Variants in APLP2 observed in about 807,000 individuals in gnomAD.
The protein encoded by APLP2 is CDEI box-binding protein.
A neutral mutation model predicts 89.9 loss-of-function variants in APLP2; 53 were observed. The observed-to-expected ratio is 0.59, with a 90% CI of 0.47 to 0.74. The LOEUF (loss-of-function observed/expected upper bound fraction) is 0.74, where lower values mean the gene tolerates loss of function less well. Ranked by LOEUF, APLP2 falls within the 30% of genes least tolerant of loss-of-function variation. The probability of loss-of-function intolerance (pLI) is 0.00; values close to 1 mark genes in which losing one functional copy is unlikely to be tolerated. For missense variants in APLP2, 973 were observed against 975.9 expected, an observed-to-expected ratio of 1.00 and a Z score of 0.04; for synonymous variants, 372 against 348.6, an observed-to-expected ratio of 1.07 and a Z score of -0.75.
chr11:130,073,870 T>C (rs1323900907), intron 1 of APLP2, among the ~76,000 whole-genome samples: 1 of 152,170 alleles, frequency 6.6e-6, no homozygotes, highest in African/African-American at 2.4e-5. Context: ...ACTTTAATCT[T>C]ATAAAAAATG....
Position 130,110,674 on chromosome 11 carries a change from G to T in APLP2, c.403+13G>T. The T allele has an allele frequency of 6.3e-7, 1 of 1,598,570 alleles. No homozygotes were observed. The highest frequency in any genetic ancestry group is 8.5e-7 in the Non-Finnish European group (1 of 1,175,226). On this transcript the variant is annotated intron_variant, in intron 3 of 16. Coordinates refer to ENST00000338167, the MANE Select transcript of APLP2 (RefSeq NM_001142276.2). ...TTCAAGTGTCTCGGTGAGTGTTCTTGGTTACTTTTCAGGAAGTGCCAGCCC... is the reference window on the plus strand; with the variant it reads ...TTCAAGTGTCTCGGTGAGTGTTCTTTGTTACTTTTCAGGAAGTGCCAGCCC...
At chr11:130,105,280 A>ATG (rs1947511664) in intron 1 of APLP2, among the ~76,000 whole-genome samples, 1 of 152,156 alleles carries the variant, frequency 6.6e-6, no homozygotes, top group Non-Finnish European at 1.5e-5. Context: ...ACTGGGTGTG[A>ATG]TGGCGCATGC....
chr11:130,116,363 T>G (rs1949159989), intron 3 of APLP2, among the ~76,000 whole-genome samples: 1 of 152,236 alleles, frequency 6.6e-6, no homozygotes, highest in Admixed American at 6.5e-5. Flanking sequence ...TGTATATATG[T>G]ATCATCATTT....
intron 11 of APLP2, among the ~76,000 whole-genome samples, chr11:130,130,726 G>C (rs937532133): frequency 1.3e-5 from 2 of 152,220 alleles, no homozygotes; most frequent in African/African-American, 4.8e-5. Flanking sequence ...CTCAGCCTTA[G>C]TTTTCCTAGA....
At chr11:130,090,191 T>G (rs1944699041) in intron 1 of APLP2, among the ~76,000 whole-genome samples, 1 of 152,120 alleles carries the variant, frequency 6.6e-6, no homozygotes. Flanking sequence ...TCATAGTAGC[T>G]GTTGAATTGT....
intron 1 of APLP2, among the ~76,000 whole-genome samples, chr11:130,090,676 C>A (rs1202836643): frequency 6.6e-6 from 1 of 152,178 alleles, no homozygotes; most frequent in African/African-American, 2.4e-5. Flanking sequence ...TCTACACAGA[C>A]ACGGCAACCA....
intron 1 of APLP2, among the ~76,000 whole-genome samples, chr11:130,102,837 C>A (rs1319933816): frequency 6.6e-6 from 1 of 152,128 alleles, no homozygotes. Context: ...AAACTGTTCC[C>A]CAAGCCAAAT....
intron 1 of APLP2, among the ~76,000 whole-genome samples, chr11:130,077,905 C>G (rs553288990): frequency 7.7e-4 from 117 of 152,248 alleles, no homozygotes; most frequent in African/African-American, 2.6e-3. Flanking sequence ...CTTCTACCCA[C>G]TATTGAAAGC....
rs960029278 is a variant in APLP2, at chr11:130,143,516, G to A, written c.*68G>A. The A allele has an allele frequency of 7.8e-5, 107 of 1,377,132 alleles. No homozygotes were observed. Among genetic ancestry groups the A allele is most frequent in the Middle Eastern group, 3.7e-4 (2 of 5,336 alleles). The allele number at this position is 1,377,132 out of a possible 1,614,324, so 85.3% of individuals were successfully genotyped here. On this transcript the variant is annotated 3_prime_UTR_variant, in exon 17 of 17. Transcript: ENST00000338167. ...GCCGGAAGATCCCACGATTCCGATC[G>A]ACTGCCAAGCAGCAGCCGCTGCCAG...
chr11:130,095,516 G>A (rs1047141531), intron 1 of APLP2, among the ~76,000 whole-genome samples: 4 of 152,248 alleles, frequency 2.6e-5, no homozygotes, highest in Non-Finnish European at 4.4e-5. Flanking sequence ...AACATGTTGT[G>A]TAGAAATGTG....
At chr11:130,091,841 C>G (rs1170652053) in intron 1 of APLP2, among the ~76,000 whole-genome samples, 2 of 148,240 alleles carry the variant, frequency 1.3e-5, no homozygotes, top group South Asian at 4.2e-4. Flanking sequence ...ACCTCCCTCC[C>G]GGACGGGGTG....
intron 1 of APLP2, among the ~76,000 whole-genome samples, chr11:130,095,079 A>G (rs1214694832): frequency 1.3e-5 from 2 of 148,396 alleles, no homozygotes; most frequent in African/African-American, 5.1e-5. Flanking sequence ...CTAGAAAGGA[A>G]TTGTAATCAC....
intron 1 of APLP2, among the ~76,000 whole-genome samples, chr11:130,091,442 CG>C (rs1945151972): frequency 7.8e-6 from 1 of 128,286 alleles, no homozygotes; most frequent in Non-Finnish European, 1.6e-5. Flanking sequence ...TAGGGGCGGC[CG>C]GGCAGAGGCG....
At chr11:130,125,891 T>G (rs1167081280) in intron 7 of APLP2, among the ~76,000 whole-genome samples, 1 of 152,178 alleles carries the variant, frequency 6.6e-6, no homozygotes, top group African/African-American at 2.4e-5. Flanking sequence ...CAGGCTAAAT[T>G]CCATCGTGCA....
intron 3 of APLP2, 24 bp downstream of exon 3, chr11:130,110,685 A>G (rs756937279): frequency 1.3e-6 from 2 of 1,594,736 alleles, no homozygotes; most frequent in African/African-American, 1.4e-5. Flanking sequence ...GTTACTTTTC[A>G]GGAAGTGCCA....
At chr11:130,090,901 C>A (rs1443567151) in intron 1 of APLP2, among the ~76,000 whole-genome samples, 1 of 150,340 alleles carries the variant, frequency 6.7e-6, no homozygotes, top group Non-Finnish European at 1.5e-5. Context: ...GGGCTGACCC[C>A]CCCCATCTCC....
intron 1 of APLP2, among the ~76,000 whole-genome samples, chr11:130,087,771 C>G (rs1046517616): frequency 1.3e-5 from 2 of 152,096 alleles, no homozygotes; most frequent in Non-Finnish European, 1.5e-5. Flanking sequence ...GTTTTTCCGT[C>G]TAGCCACTTC....
Position 130,143,740 on chromosome 11 carries a change from C to T in APLP2, c.*292C>T. 1 of 323,170 alleles carries T rather than the reference C, an allele frequency of 3.1e-6. No individual in the cohort carries two copies. Among genetic ancestry groups the T allele is most frequent in the Admixed American group, 4.4e-5 (1 of 22,684 alleles). 20.0% of individuals were successfully genotyped at this position (323,170 alleles called of 1,614,324 possible). A position where few individuals can be genotyped will look rare whatever the true frequency, so the allele number is the denominator to read the frequency against. ...TTTAAATTAATCAGAAACCCCACTT[C>T]CATTGTATTGTCTGACACATGCTCT... On this transcript the variant is annotated 3_prime_UTR_variant, in exon 17 of 17. Transcript: ENST00000338167.
rs1424713512 is a variant in APLP2, at chr11:130,120,802, A to T, written c.500A>T (p.His167Leu). 1 of 1,613,696 alleles carries T rather than the reference A, an allele frequency of 6.2e-7. No individual in the cohort carries two copies. The highest frequency in any genetic ancestry group is 2.2e-5 in the East Asian group (1 of 44,892). The change falls in exon 4 of 17, where the codon CAC (histidine) becomes CTC (leucine). Residue 167 changes from histidine (H) to leucine (L), a missense_variant. By Grantham distance (99) the His-to-Leu change is moderately conservative. Coordinates refer to ENST00000338167, the MANE Select transcript of APLP2 (RefSeq NM_001142276.2). The stretch of plus-strand genomic sequence containing the variant: ...GTGTGTGAGAATCACCAGCACTGGC[A>T]CACGGTAGTCAAAGAGGTAAGAGAA... Reference protein sequence around the residue: ...MEVCENHQHWHTVVKEACLTQ... With the variant: ...MEVCENHQHWLTVVKEACLTQ...
Sources: allele counts gnomAD v4.1 joint callset (sites outside exome capture counted in the v4.1 genomes callset), GRCh38; gene constraint gnomAD v4.1.1; transcripts MANE v1.5; gene names NCBI Gene and HGNC (gene_info 2026-07-23, HGNC 2026-07-21).